DMBX1: variants seen among roughly 807,000 people sequenced by gnomAD.
The protein encoded by DMBX1 is diencephalon/mesencephalon homeobox protein 1.
A neutral mutation model predicts 30.4 loss-of-function variants in DMBX1; 7 were observed. The ratio of observed to expected loss-of-function variants is 0.23; its 90% CI spans 0.13 to 0.43. The LOEUF (loss-of-function observed/expected upper bound fraction) is 0.43. Among genes scored for constraint, DMBX1 ranks in the 20% least tolerant of loss-of-function variants. The pLI is 1.00. For missense variants in DMBX1, 460 were observed against 508.5 expected (o/e 0.90, Z 0.92); for synonymous variants, 222 against 214.2 (o/e 1.04, Z -0.32).
chr1:46,509,119 C>T (rs1666300986), intron 3 of DMBX1, among the ~76,000 whole-genome samples: 5 of 151,878 alleles, frequency 3.3e-5, no homozygotes, highest in Admixed American at 3.3e-4. Flanking sequence ...GTTGCCCAGG[C>T]TGGAGTGCAA....
chr1:46,504,153 A>G (rs1332801282), intron 2 of DMBX1, among the ~76,000 whole-genome samples: 2 of 151,438 alleles, frequency 1.3e-5, no homozygotes, highest in African/African-American at 4.9e-5. Flanking sequence ...ATTTTCTCCC[A>G]TTTTGTAGGT....
Position 46,507,036 on chromosome 1 carries a change from A to C in DMBX1, c.26A>C (p.Tyr9Ser). Residue 9 changes from tyrosine to serine, a missense_variant, in exon 3 of 6, where the codon TAC (tyrosine) becomes TCC (serine). Around this residue, in one of 3 missense-constraint regions of DMBX1, gnomAD observed 124 missense variants for 144.0 expected, o/e 0.86. Coordinates refer to ENST00000360032, the MANE Select transcript of DMBX1 (RefSeq NM_172225.2). ...ATGCAGCACTACGGGGTGAACGGCTACTCACTGCACGCCATGAACTCACTC... is the reference window on the plus strand; with the variant it reads ...ATGCAGCACTACGGGGTGAACGGCTCCTCACTGCACGCCATGAACTCACTC... MQHYGVNG[Y>S]SLHAMNSLSA... 6.2e-7 allele frequency: 1 copy of C among 1,614,098 alleles called. No individual in the cohort carries two copies. The highest frequency in any genetic ancestry group is 8.5e-7 in the Non-Finnish European group (1 of 1,180,006).
At chr1:46,495,533 G>T (rs972265050) in intron 2 of DMBX1, among the ~76,000 whole-genome samples, 12 of 152,192 alleles carry the variant, frequency 7.9e-5, no homozygotes, top group Admixed American at 3.3e-4. Context: ...TGCCAGTCAG[G>T]TCTCTATGAG....
chr1:46,507,403 A>G (rs11803942), intron 3 of DMBX1, among the ~76,000 whole-genome samples: 4,056 of 152,326 alleles, frequency 0.027, 171 homozygotes, highest in African/African-American at 0.092. Flanking sequence ...TCAAATTCTC[A>G]AAACAAGCCT....
chr1:46,495,296 T>A (rs1391810574), intron 2 of DMBX1, among the ~76,000 whole-genome samples: 1 of 152,220 alleles, frequency 6.6e-6, no homozygotes, highest in East Asian at 1.9e-4. Flanking sequence ...TCCCTTGCTC[T>A]GGGCACTGGG....
At chr1:46,508,442 C>T (rs1347379920) in intron 3 of DMBX1, among the ~76,000 whole-genome samples, 2 of 152,162 alleles carry the variant, frequency 1.3e-5, no homozygotes, top group Non-Finnish European at 2.9e-5. Context: ...TGGCCAGTCT[C>T]ACTCCTTTAG....
chr1:46,509,934 A>T (rs1666323126), intron 3 of DMBX1, among the ~76,000 whole-genome samples: 1 of 152,126 alleles, frequency 6.6e-6, no homozygotes, highest in Non-Finnish European at 1.5e-5. Flanking sequence ...CATGCAGAGG[A>T]CAGAGAATCA....
At chr1:46,496,873 T>C (rs1462392523) in intron 2 of DMBX1, among the ~76,000 whole-genome samples, 1 of 152,234 alleles carries the variant, frequency 6.6e-6, no homozygotes, top group Non-Finnish European at 1.5e-5. Flanking sequence ...CGTGTATTCA[T>C]GATCTTCTAC....
At position 46,507,164 on chromosome 1, in the gene DMBX1, GGTA is replaced by G; in HGVS notation, c.154+1_154+3del. ...GCTTACATTGGCTGAGCGCCTGGCT[GGTA>G]AGGGCCCTGGGGATGGGACCATGGG... On this transcript the variant is annotated splice_donor_variant and splice_donor_region_variant and intron_variant, in intron 3 of 5. Transcript: ENST00000360032. LOFTEE classifies it high-confidence loss of function. 6.2e-7 allele frequency: 1 copy of G among 1,614,106 alleles called. No homozygotes were observed. Among genetic ancestry groups the G allele is most frequent in the African/African-American group, 1.3e-5 (1 of 75,068 alleles).
intron 1 of DMBX1, among the ~76,000 whole-genome samples, 124 bp from the exon 2 acceptor site, chr1:46,490,520 C>T (rs968662517): frequency 6.6e-6 from 1 of 152,184 alleles, no homozygotes; most frequent in Non-Finnish European, 1.5e-5. Context: ...GGGGCGCGGC[C>T]GGCAGCCCAG....
chr1:46,506,439 T>C (rs925263827), intron 2 of DMBX1, among the ~76,000 whole-genome samples: 10 of 152,238 alleles, frequency 6.6e-5, no homozygotes, highest in Admixed American at 2.0e-4. Context: ...TCAATGGATA[T>C]TGGTTGAATA....
intron 2 of DMBX1, among the ~76,000 whole-genome samples, chr1:46,495,336 C>T (rs189645034): frequency 1.2e-4 from 19 of 152,276 alleles, no homozygotes; most frequent in Non-Finnish European, 2.4e-4. Context: ...AAGCAGACCC[C>T]GCCCTGGATC....
Position 46,491,782 on chromosome 1 carries a change from C to A in DMBX1, c.-13+999C>A, listed in dbSNP as rs1405827035. ...GGATTTGTGTTTCACTTACCCACATCCCTGGTTCTCCCCTCGAATGGAAAG... is the reference window on the plus strand; with the variant it reads ...GGATTTGTGTTTCACTTACCCACATACCTGGTTCTCCCCTCGAATGGAAAG... On this transcript the variant is annotated intron_variant, in intron 2 of 5. Transcript: ENST00000360032. This position sits in a 1 kb window ranked among gnomAD's most constrained non-coding sequence, Gnocchi z 5.5. Among the ~76,000 whole-genome samples the A allele has an allele frequency of 6.6e-6, 1 of 152,068 alleles. No individual in the cohort carries two copies. Among genetic ancestry groups the A allele is most frequent in the Non-Finnish European group, 1.5e-5 (1 of 68,004 alleles).
At position 46,497,627 on chromosome 1, in the gene DMBX1, T is replaced by A. The variant is rs1557784819; in HGVS notation, c.-13+6844T>A. On this transcript the variant is annotated intron_variant, in intron 2 of 5. Coordinates refer to ENST00000360032, the MANE Select transcript of DMBX1 (RefSeq NM_172225.2). ...TCCACTTTCTTTTTAATCAAAGACG[T>A]CTTGCATGCATTTTCATGGCACTGC... 3.3e-5 allele frequency among the ~76,000 whole-genome samples: 5 copies of A among 152,302 alleles called. No individual in the cohort carries two copies. The South Asian group carries it at 1.0e-3, about 32-fold the overall frequency.
Position 46,507,145 on chromosome 1 carries a change from A to G in DMBX1, c.135A>G (p.Thr45=), listed in dbSNP as rs1196870935. Residue 45 remains threonine (T), a synonymous_variant, in exon 3 of 6, where the codon ACA becomes ACG. Transcript: ENST00000360032. ...ACCGGCCTTCAGTGCATGCGCTTACATTGGCTGAGCGCCTGGCTGGTAAGG... is the reference window on the plus strand; with the variant it reads ...ACCGGCCTTCAGTGCATGCGCTTACGTTGGCTGAGCGCCTGGCTGGTAAGG... ...PDYRPSVHAL[T]LAERLADIIL... 44 of 1,614,038 alleles carry G rather than the reference A, an allele frequency of 2.7e-5. No homozygotes were observed. Among genetic ancestry groups the G allele is most frequent in the Admixed American group, 3.3e-5 (2 of 60,000 alleles).
At chr1:46,507,700 GAGGCTAAATCTGGGCCA>G (rs1245518396) in intron 3 of DMBX1, among the ~76,000 whole-genome samples, 2 of 152,198 alleles carry the variant, frequency 1.3e-5, no homozygotes, top group Non-Finnish European at 2.9e-5. Flanking sequence ...GAGGCTCAGA[GAGGCTAAATCTGGGCCA>G]AGTGGGGTTG....
In DMBX1 at chr1:46,511,297, G is replaced by A. The variant is rs1265687312; in HGVS notation, c.682+14G>A. ...GCCCCAAGGCAGGTGAGGTCTGAGGGGTACCATGGGAGGGCTGGGGTCTGG... is the reference window on the plus strand; with the variant it reads ...GCCCCAAGGCAGGTGAGGTCTGAGGAGTACCATGGGAGGGCTGGGGTCTGG... On this transcript the variant is annotated intron_variant, in intron 5 of 5. Coordinates refer to ENST00000360032, the MANE Select transcript of DMBX1 (RefSeq NM_172225.2). 1.3e-6 allele frequency: 2 copies of A among 1,533,840 alleles called. No individual in the cohort carries two copies. Among genetic ancestry groups the A allele is most frequent in the Non-Finnish European group, 1.8e-6 (2 of 1,139,804 alleles).
Position 46,510,348 on chromosome 1 carries a change from G to C in DMBX1, c.155-128G>C. ...GGGGATGGCTGATTTCTAAGGGTAA[G>C]GGACCAGGGCCAGCTCTGGCAGCAG... On this transcript the variant is annotated intron_variant, in intron 3 of 5. Transcript: ENST00000360032. The surrounding 1 kb of genome is among the most constrained non-coding windows in gnomAD (Gnocchi z 4.1). 1 of 1,206,348 alleles carries C rather than the reference G, an allele frequency of 8.3e-7. No homozygotes were observed. 74.7% of individuals were successfully genotyped at this position (1,206,348 alleles called of 1,614,324 possible). A position where few individuals can be genotyped will look rare whatever the true frequency, so the allele number is the denominator to read the frequency against.
Position 46,491,643 on chromosome 1 carries a change from T to C in DMBX1, c.-13+860T>C, listed in dbSNP as rs1665930737. ...GACCAGAGTCCTTTCCCCTCTCTAG[T>C]GCTAGGGATTCTGTGCGCTGCAGGC... On this transcript the variant is annotated intron_variant, in intron 2 of 5. Coordinates refer to ENST00000360032, the MANE Select transcript of DMBX1 (RefSeq NM_172225.2). The surrounding 1 kb of genome is among the most constrained non-coding windows in gnomAD (Gnocchi z 5.5). Among the ~76,000 whole-genome samples the C allele has an allele frequency of 6.6e-6, 1 of 152,198 alleles. No homozygotes were observed. Among genetic ancestry groups the C allele is most frequent in the Admixed American group, 6.5e-5 (1 of 15,288 alleles).
Sources: allele counts gnomAD v4.1 joint callset (sites outside exome capture counted in the v4.1 genomes callset), GRCh38; gene constraint gnomAD v4.1.1; regional missense constraint gnomAD v4.1.1; non-coding constraint Gnocchi (gnomAD v3.1); transcripts MANE v1.5; gene names NCBI Gene and HGNC (gene_info 2026-07-23, HGNC 2026-07-21).